MMP16: variants seen among roughly 807,000 people sequenced by gnomAD.
MMP16 encodes matrix metallopeptidase 16.
A neutral mutation model predicts 67.8 loss-of-function variants in MMP16; 12 were observed. The observed-to-expected ratio is 0.18, with a 90% CI of 0.11 to 0.29. The LOEUF (loss-of-function observed/expected upper bound fraction) is 0.29, where lower values mean the gene tolerates loss of function less well. Among genes scored for constraint, MMP16 ranks in the 10% least tolerant of loss-of-function variants. The pLI is 1.00. For missense variants in MMP16, 475 were observed against 765.7 expected (o/e 0.62, Z 4.48); for synonymous variants, 249 against 255.9 (o/e 0.97, Z 0.26).
intron 6 of MMP16, among the ~76,000 whole-genome samples, chr8:88,091,205 G>A (rs996799264): frequency 3.3e-5 from 5 of 151,760 alleles, no homozygotes; most frequent in African/African-American, 1.2e-4. Flanking sequence ...CTCCTGTTTT[G>A]CAATATTTTA....
At chr8:88,075,938 TACACAC>T (rs71556442) in intron 6 of MMP16, among the ~76,000 whole-genome samples, 12,297 of 140,432 alleles carry the variant, frequency 0.088, 699 homozygotes, top group Middle Eastern at 0.17. Context: ...CATATATTCA[TACACAC>T]ACACACACAC....
intron 6 of MMP16, among the ~76,000 whole-genome samples, chr8:88,079,662 T>C (rs1018544154): frequency 1.3e-5 from 2 of 152,182 alleles, no homozygotes; most frequent in Admixed American, 1.3e-4. Flanking sequence ...ATCTGAATGT[T>C]TGTGTCCCTT....
At chr8:88,289,730 A>G (rs549886774) in intron 1 of MMP16, among the ~76,000 whole-genome samples, 2 of 112,774 alleles carry the variant, frequency 1.8e-5, no homozygotes, top group Non-Finnish European at 3.8e-5. Context: ...ACACACACAC[A>G]CCCCACTCAT....
At chr8:88,256,931 C>T (rs748329695) in intron 1 of MMP16, among the ~76,000 whole-genome samples, 1 of 152,162 alleles carries the variant, frequency 6.6e-6, no homozygotes, top group Non-Finnish European at 1.5e-5. Context: ...AAATGCATAA[C>T]TGTAGATTCA....
chr8:88,222,431 C>T (rs573638984), intron 1 of MMP16, among the ~76,000 whole-genome samples: 3 of 152,256 alleles, frequency 2.0e-5, no homozygotes, highest in African/African-American at 7.2e-5. Flanking sequence ...CATCACGCTA[C>T]CTGACTTCAA....
chr8:88,226,663 T>TG (rs1474993107), intron 1 of MMP16, among the ~76,000 whole-genome samples: 2 of 152,004 alleles, frequency 1.3e-5, no homozygotes, highest in Non-Finnish European at 2.9e-5. Flanking sequence ...TCATAGATTA[T>TG]GGGGCTCCTA....
chr8:88,274,273 AAAG>A (rs1347793317), intron 1 of MMP16, among the ~76,000 whole-genome samples: 2 of 152,118 alleles, frequency 1.3e-5, no homozygotes, highest in East Asian at 3.9e-4. Context: ...GAGTACAATG[AAAG>A]AAGAAACAGA....
chr8:88,309,312 C>T (rs1811259749), intron 1 of MMP16, among the ~76,000 whole-genome samples: 3 of 151,804 alleles, frequency 2.0e-5, no homozygotes, highest in South Asian at 4.2e-4. Context: ...AGTTGTTCTA[C>T]ATGCACTGGT....
At chr8:88,263,962 G>C (rs150571259) in intron 1 of MMP16, among the ~76,000 whole-genome samples, 115 of 118,990 alleles carry the variant, frequency 9.7e-4, no homozygotes, top group Admixed American at 2.3e-3. Flanking sequence ...GGCATATATA[G>C]AGAGAGAGAG....
At chr8:88,097,169 A>G (rs1403339122) in intron 6 of MMP16, among the ~76,000 whole-genome samples, 2 of 151,972 alleles carry the variant, frequency 1.3e-5, no homozygotes, top group East Asian at 1.9e-4. Context: ...CATAAACTCA[A>G]TTAGGGAAAA....
chr8:88,197,493 G>A (rs1035932825), intron 1 of MMP16, among the ~76,000 whole-genome samples, 187 bp from the exon 2 acceptor site: 2 of 151,860 alleles, frequency 1.3e-5, no homozygotes, highest in East Asian at 1.9e-4. Flanking sequence ...TAATTGCAGC[G>A]ACTGTTATGG....
intron 8 of MMP16, among the ~76,000 whole-genome samples, chr8:88,053,792 A>G (rs1382890226): frequency 6.6e-6 from 1 of 152,182 alleles, no homozygotes; most frequent in Middle Eastern, 3.2e-3. Context: ...TCTATAACTC[A>G]TGACATCTTA....
rs1290750987 is a variant in MMP16, at chr8:88,150,713, C to T, written c.709+16956G>A. ...GCCCTAAAAGAGCTCCTGAAGGAAG[C>T]GCTAAACATGGAAAGGAACAACCGG... On this transcript the variant is annotated intron_variant, in intron 4 of 9. Coordinates refer to ENST00000286614, the MANE Select transcript of MMP16 (RefSeq NM_005941.5). 3.4e-3 allele frequency among the ~76,000 whole-genome samples: 477 copies of T among 141,264 alleles called. 4 individuals carry two copies. Among genetic ancestry groups the T allele is most frequent in the African/African-American group, 0.011 (408 of 37,322 alleles). The allele number at this position is 141,264 out of a possible 152,430, so 92.7% of individuals were successfully genotyped here. A position where few individuals can be genotyped will look rare whatever the true frequency, so the allele number is the denominator to read the frequency against.
chr8:88,061,252 C>G (rs1808396737), intron 7 of MMP16, among the ~76,000 whole-genome samples: 1 of 151,750 alleles, frequency 6.6e-6, no homozygotes, highest in South Asian at 2.1e-4. Context: ...ACAGCATGCT[C>G]TATATTTTAG....
chr8:88,274,384 C>T (rs187683707), intron 1 of MMP16, among the ~76,000 whole-genome samples: 3 of 152,164 alleles, frequency 2.0e-5, no homozygotes, highest in African/African-American at 7.2e-5. Flanking sequence ...TGTGATTAGT[C>T]TCTGATTACT....
At chr8:88,064,992 A>G (rs1243737810) in intron 7 of MMP16, among the ~76,000 whole-genome samples, 4 of 152,038 alleles carry the variant, frequency 2.6e-5, no homozygotes, top group African/African-American at 9.7e-5. Context: ...GGCCAAGGCT[A>G]CACTCTTCTT....
At chr8:88,110,478 G>T (rs1586156499) in intron 6 of MMP16, among the ~76,000 whole-genome samples, 1 of 151,578 alleles carries the variant, frequency 6.6e-6, no homozygotes, top group East Asian at 2.0e-4. Context: ...TGCTTTCAAT[G>T]TCTTGACGAT....
At chr8:88,149,749 C>A (rs1049111014) in intron 4 of MMP16, among the ~76,000 whole-genome samples, 2 of 151,992 alleles carry the variant, frequency 1.3e-5, no homozygotes, top group African/African-American at 4.8e-5. Context: ...GATAAAACCA[C>A]AAAGATGGGG....
chr8:88,077,285 G>A (rs1808666808), intron 6 of MMP16, among the ~76,000 whole-genome samples: 1 of 152,118 alleles, frequency 6.6e-6, no homozygotes, highest in South Asian at 2.1e-4. Context: ...TCATGTCATG[G>A]TTACTATAGA....
Sources: gnomAD v4.1 joint callset for allele counts (sites outside exome capture counted in the v4.1 genomes callset) on GRCh38, gnomAD v4.1.1 for gene constraint, MANE v1.5 for transcripts, NCBI Gene and HGNC (gene_info 2026-07-23, HGNC 2026-07-21) for gene names.